Variants in DSCAML1 observed in about 807,000 individuals in gnomAD.
DSCAML1 encodes cell adhesion molecule DSCAML1.
Under a neutral mutation model 200.5 loss-of-function variants are expected in DSCAML1, and 38 were observed. That is an observed-to-expected ratio of 0.19 (90% confidence interval 0.15 to 0.25). The LOEUF (loss-of-function observed/expected upper bound fraction) is 0.25. Ranked by LOEUF, DSCAML1 falls within the 10% of genes least tolerant of loss-of-function variation. The probability of loss-of-function intolerance (pLI) is 1.00; values close to 1 mark genes in which losing one functional copy is unlikely to be tolerated. For synonymous variants in DSCAML1, 1,215 were observed against 1,165.0 expected (o/e 1.04, Z -0.87); for missense variants, 2,223 against 2,858.8 (o/e 0.78, Z 5.07).
intron 1 of DSCAML1, among the ~76,000 whole-genome samples, chr11:117,782,375 C>T (rs1024316292): frequency 7.9e-5 from 12 of 152,246 alleles, no homozygotes; most frequent in African/African-American, 2.9e-4. Context: ...TCAGGAGCAT[C>T]CTCTTAGCAG....
At chr11:117,598,726 G>A (rs1344580022) in intron 3 of DSCAML1, among the ~76,000 whole-genome samples, 3 of 152,192 alleles carry the variant, frequency 2.0e-5, no homozygotes, top group Admixed American at 2.0e-4. Context: ...AGGGAGCAGG[G>A]AGGCAGTCTG....
At chr11:117,460,036 G>A (rs904347579) in intron 18 of DSCAML1, among the ~76,000 whole-genome samples, 2 of 152,262 alleles carry the variant, frequency 1.3e-5, no homozygotes, top group Admixed American at 6.5e-5. Context: ...GAAAGGGCAG[G>A]AAGAGGGCAG....
At chr11:117,798,606 C>A (rs886065951), upstream of DSCAML1, among the ~76,000 whole-genome samples, 6 of 152,104 alleles carry the variant, frequency 3.9e-5, no homozygotes, top group Non-Finnish European at 5.9e-5. Context: ...TAAATAATAA[C>A]TCCCCCTTCC....
At chr11:117,704,470 C>T (rs1289312674) in intron 3 of DSCAML1, among the ~76,000 whole-genome samples, 1 of 152,144 alleles carries the variant, frequency 6.6e-6, no homozygotes, top group African/African-American at 2.4e-5. Flanking sequence ...TTATTTTAGA[C>T]AGATGGCAAA....
chr11:117,787,168 C>A (rs1332547435), intron 1 of DSCAML1, among the ~76,000 whole-genome samples: 2 of 152,212 alleles, frequency 1.3e-5, no homozygotes, highest in African/African-American at 2.4e-5. Context: ...GGCAAGACTG[C>A]CTCACCTTTC....
intron 14 of DSCAML1, among the ~76,000 whole-genome samples, chr11:117,476,067 T>C (rs2048785598): frequency 6.6e-6 from 1 of 152,206 alleles, no homozygotes; most frequent in South Asian, 2.1e-4. Flanking sequence ...TCTCTTTTAA[T>C]ATTCCCTTTC....
chr11:117,788,808 G>A (rs2055409125), intron 1 of DSCAML1, among the ~76,000 whole-genome samples: 2 of 152,196 alleles, frequency 1.3e-5, no homozygotes, highest in Admixed American at 1.3e-4. Context: ...AGTTCGCAGT[G>A]GCAGAGCTGC....
In DSCAML1 at chr11:117,428,535, G is replaced by C; in HGVS notation, c.5955C>G (p.Pro1985=). The C allele has an allele frequency of 4.6e-6, 7 of 1,514,424 alleles. No individual in the cohort carries two copies. Among genetic ancestry groups the C allele is most frequent in the Non-Finnish European group, 6.3e-6 (7 of 1,119,950 alleles). 93.8% of individuals were successfully genotyped at this position (1,514,424 alleles called of 1,614,324 possible). A position where few individuals can be genotyped will look rare whatever the true frequency, so the allele number is the denominator to read the frequency against. Reference sequence around the variant, plus strand: ...CAGCAGGGGTGGGGCCGGGGGCTGGGGGGGCTGTGCCGGCTGGGGGGGCTG... The same window carrying C: ...CAGCAGGGGTGGGGCCGGGGGCTGGCGGGGCTGTGCCGGCTGGGGGGGCTG... The part of the protein sequence containing the change: ...AMPAPPAGTA[P]PAPGPTPAEP... The change falls in exon 33 of 33, where the codon CCC becomes CCG. Residue 1985 remains proline, a synonymous_variant. Transcript: ENST00000651296.
Position 117,437,303 on chromosome 11 carries a change from G to T in DSCAML1, c.4539C>A (p.Ile1513=), listed in dbSNP as rs1017976051. The T allele has an allele frequency of 6.2e-7, 1 of 1,614,266 alleles. No individual in the cohort carries two copies. The highest frequency in any genetic ancestry group is 8.5e-7 in the Non-Finnish European group (1 of 1,180,050). ...TCCCCTTGGGCCGGTACTCCAGAAC[G>T]ATGGCTGTGATAGGGCAGCCCCCAT... The part of the protein sequence containing the change: ...WNNGGCPITA[I]VLEYRPKGTW... The change falls in exon 26 of 33, where the codon ATC becomes ATA. Residue 1513 remains isoleucine (I), a synonymous_variant. Coordinates refer to ENST00000651296, the MANE Select transcript of DSCAML1 (RefSeq NM_020693.4). The surrounding 1 kb of genome is among the most constrained non-coding windows in gnomAD (Gnocchi z 5.3).
At chr11:117,624,864 G>A (rs888024155) in intron 3 of DSCAML1, among the ~76,000 whole-genome samples, 9 of 152,152 alleles carry the variant, frequency 5.9e-5, no homozygotes, top group Admixed American at 4.6e-4. Flanking sequence ...GCTTGGCAGA[G>A]GAGAGACAGA....
intron 3 of DSCAML1, among the ~76,000 whole-genome samples, chr11:117,563,161 G>A (rs1362757666): frequency 6.6e-6 from 1 of 152,220 alleles, no homozygotes; most frequent in Non-Finnish European, 1.5e-5. Flanking sequence ...AGTGGAGGGT[G>A]CTTGTAGCTG....
intron 3 of DSCAML1, among the ~76,000 whole-genome samples, chr11:117,612,981 C>T (rs1368978913): frequency 2.0e-5 from 3 of 152,158 alleles, no homozygotes; most frequent in Admixed American, 6.5e-5. Context: ...TGATTCTGCA[C>T]CTGAAAGCCA....
At chr11:117,808,588 G>A (rs1395706490) in intron 1 of DSCAML1, among the ~76,000 whole-genome samples, 1 of 152,222 alleles carries the variant, frequency 6.6e-6, no homozygotes, top group Non-Finnish European at 1.5e-5. Context: ...TTGGATGTAA[G>A]AAGCTTAGCA....
chr11:117,548,086 C>A (rs1415160662), intron 3 of DSCAML1, among the ~76,000 whole-genome samples: 1 of 152,174 alleles, frequency 6.6e-6, no homozygotes, highest in Non-Finnish European at 1.5e-5. Flanking sequence ...TGGTACTGTC[C>A]CTAGAGAGTA....
chr11:117,482,556 A>T (rs1390399892), intron 11 of DSCAML1, among the ~76,000 whole-genome samples: 1 of 152,190 alleles, frequency 6.6e-6, no homozygotes, highest in Non-Finnish European at 1.5e-5. Flanking sequence ...ACAAAATAAG[A>T]TCCAGTGGTA....
chr11:117,591,825 G>C (rs1035563484), intron 3 of DSCAML1, among the ~76,000 whole-genome samples: 12 of 152,168 alleles, frequency 7.9e-5, no homozygotes, highest in African/African-American at 2.9e-4. Flanking sequence ...TCCCTTCTTT[G>C]CTTGGGACTC....
At chr11:117,466,730 C>T (rs73577980) in intron 16 of DSCAML1, among the ~76,000 whole-genome samples, 1 of 152,020 alleles carries the variant, frequency 6.6e-6, no homozygotes, top group Non-Finnish European at 1.5e-5. Context: ...TTCATGGGTA[C>T]AGAATTTCAG....
chr11:117,471,999 G>A lies in DSCAML1; in HGVS notation c.2823C>T (p.Ser941=). 2.5e-6 allele frequency: 4 copies of A among 1,614,144 alleles called. No homozygotes were observed. The East Asian group carries it at 8.9e-5, about 36-fold the overall frequency. The change falls in exon 15 of 33, where the codon TCC becomes TCT. Residue 941 remains serine, a synonymous_variant. Transcript: ENST00000651296. ...WDFKQSTRNI[S]PTINQANIVD... ...CAATGTTGGCCTGGTTGATGGTGGGGGAGATGTTGCGTGTGGACTGCTTGA... is the reference window on the plus strand; with the variant it reads ...CAATGTTGGCCTGGTTGATGGTGGGAGAGATGTTGCGTGTGGACTGCTTGA...
chr11:117,451,963 G>A lies in DSCAML1; in HGVS notation c.3569-1275C>T, dbSNP rs78690594. Among the ~76,000 whole-genome samples the A allele has an allele frequency of 6.0e-3, 918 of 152,178 alleles. 7 individuals are homozygous for A. The highest frequency in any genetic ancestry group is 0.021 in the African/African-American group (864 of 41,502). On this transcript the variant is annotated intron_variant, in intron 19 of 32. Coordinates refer to ENST00000651296, the MANE Select transcript of DSCAML1 (RefSeq NM_020693.4). ...GTTTTCTTTCCTAGTCAATCATTTG[G>A]GGCTAAATAAAATAACTAGATACAG...
Sources: gnomAD v4.1 joint callset for allele counts (sites outside exome capture counted in the v4.1 genomes callset) on GRCh38, gnomAD v4.1.1 for gene constraint, Gnocchi (gnomAD v3.1) non-coding constraint, MANE v1.5 for transcripts, NCBI Gene and HGNC (gene_info 2026-07-23, HGNC 2026-07-21) for gene names.